The following ITPR2 variants were observed in gnomAD, a reference collection of about 807,000 sequenced individuals.
The protein encoded by ITPR2 is inositol 1,4,5-trisphosphate receptor type 2.
ITPR2 carries 207 observed loss-of-function variants against 317.1 expected under a neutral mutation model. The observed-to-expected ratio is 0.65, with a 90% CI of 0.58 to 0.73. ITPR2 has a LOEUF of 0.73. Among genes scored for constraint, ITPR2 ranks in the 30% least tolerant of loss-of-function variants. ITPR2 has a pLI of 0.00. For missense variants in ITPR2, 2,613 were observed against 3,284.0 expected, an observed-to-expected ratio of 0.80 and a Z score of 4.99; for synonymous variants, 1,156 against 1,149.1, an observed-to-expected ratio of 1.01 and a Z score of -0.12.
intron 41 of ITPR2, among the ~76,000 whole-genome samples, chr12:26,484,843 C>A (rs1029705281): frequency 6.6e-6 from 1 of 152,076 alleles, no homozygotes; most frequent in African/African-American, 2.4e-5. Flanking sequence ...TCCGGAGTAG[C>A]TGGGACTACA....
At chr12:26,378,040 C>A (rs1939395833) in intron 55 of ITPR2, among the ~76,000 whole-genome samples, 1 of 151,822 alleles carries the variant, frequency 6.6e-6, no homozygotes, top group African/African-American at 2.4e-5. Flanking sequence ...TTATTTTGTT[C>A]AACGAATTTA....
At chr12:26,421,578 A>G (rs572485074) in intron 49 of ITPR2, 1 of 152,354 alleles carries the variant, frequency 6.6e-6, no homozygotes, top group South Asian at 2.1e-4. Flanking sequence ...GCCAAGAATG[A>G]GCAAGTTGCT....
intron 37 of ITPR2, among the ~76,000 whole-genome samples, chr12:26,531,171 G>C (rs1361704721): frequency 6.6e-6 from 1 of 152,180 alleles, no homozygotes; most frequent in Non-Finnish European, 1.5e-5. Flanking sequence ...TATTCATTGG[G>C]CTTTCCTAAT....
intron 26 of ITPR2, among the ~76,000 whole-genome samples, chr12:26,608,787 A>T (rs916165554): frequency 1.4e-4 from 11 of 80,514 alleles, no homozygotes; most frequent in Non-Finnish European, 2.5e-4. Flanking sequence ...CTTTTAAATT[A>T]AAAAAAAAAA....
intron 2 of ITPR2, among the ~76,000 whole-genome samples, chr12:26,782,013 TATATATATATATATATATATGTATAGAG>T (rs1194216863): frequency 0.13 from 6,817 of 53,080 alleles, 362 homozygotes; most frequent in Non-Finnish European, 0.18. Flanking sequence ...TATATATATA[TATATATATATATATATATATGTATAGAG>T]AGAGAGAGAG....
rs545299249 is a variant in ITPR2, at chr12:26,374,377, C to T, written c.7857+13057G>A. ...GCCATGGCTGTCTTTATCTCCTCTG[C>T]GTCCCTTTCCAGATGTGGGCGCAGC... On this transcript the variant is annotated intron_variant, in intron 55 of 56. Transcript: ENST00000381340. Among the ~76,000 whole-genome samples the T allele has an allele frequency of 1.6e-3, 238 of 152,348 alleles. 1 individual carries two copies. The highest frequency in any genetic ancestry group is 0.015 in the Admixed American group (224 of 15,310).
intron 19 of ITPR2, among the ~76,000 whole-genome samples, chr12:26,656,083 A>G (rs1280963016): frequency 5.9e-5 from 9 of 152,318 alleles, no homozygotes; most frequent in African/African-American, 2.2e-4. Flanking sequence ...CATTACATCA[A>G]TATTATTTAC....
intron 38 of ITPR2, 105 bp downstream of exon 38, chr12:26,495,047 A>T (rs1472925951): frequency 5.5e-5 from 39 of 704,410 alleles, no homozygotes; most frequent in Non-Finnish European, 9.6e-5. Context: ...TGATTTTTAA[A>T]TGACTCTTTT....
rs1947413172 is a variant in ITPR2 at position 26,658,020 on chromosome 12, A to C, written c.1997T>G (p.Ile666Ser). 1.2e-6 allele frequency: 2 copies of C among 1,610,872 alleles called. No homozygotes were observed. Among genetic ancestry groups the C allele is most frequent in the South Asian group, 2.2e-5 (2 of 89,832 alleles). ...CATTATCTGGGCTTACTTAGTTTGAATGAGAATGTCTGCATTGCCTGGACT... is the reference window on the plus strand; with the variant it reads ...CATTATCTGGGCTTACTTAGTTTGACTGAGAATGTCTGCATTGCCTGGACT... ...MLSPGNADIL[I>S]QTKVVSMQAD... The change falls in exon 17 of 57, where the codon ATT becomes AGT. Residue 666 changes from isoleucine (I) to serine (S), a missense_variant. This residue lies in a region of ITPR2 where 817 missense variants were observed against 897.6 expected (regional missense o/e 0.91). Coordinates refer to ENST00000381340, the MANE Select transcript of ITPR2 (RefSeq NM_002223.4).
At chr12:26,345,909 C>CT (rs1186706424) in intron 55 of ITPR2, among the ~76,000 whole-genome samples, 1 of 152,186 alleles carries the variant, frequency 6.6e-6, no homozygotes, top group Non-Finnish European at 1.5e-5. Context: ...TCTTGGTTTA[C>CT]TCATGCATGC....
chr12:26,605,574 G>T (rs575983764), intron 26 of ITPR2, among the ~76,000 whole-genome samples: 1 of 152,248 alleles, frequency 6.6e-6, no homozygotes, highest in South Asian at 2.1e-4. Flanking sequence ...AGCTTTGGTC[G>T]ATATCTTTAA....
At chr12:26,622,491 G>A in intron 24 of ITPR2, 86 bp from the exon 25 acceptor site, 3 of 1,046,532 alleles carry the variant, frequency 2.9e-6, no homozygotes, top group South Asian at 2.2e-5. Flanking sequence ...TATTCTCAGA[G>A]GTATATCATT....
chr12:26,815,122 T>G (rs1226950933), intron 1 of ITPR2, among the ~76,000 whole-genome samples: 1 of 152,182 alleles, frequency 6.6e-6, no homozygotes. Context: ...GTGAATCAGT[T>G]GAGGTCAGGA....
In ITPR2 at chr12:26,648,025, C is replaced by G. The variant is rs563857941; in HGVS notation, c.2740+5951G>C. Among the ~76,000 whole-genome samples the G allele has an allele frequency of 3.9e-5, 6 of 152,264 alleles. No individual in the cohort carries two copies. The East Asian group carries it at 1.2e-3, about 29-fold the overall frequency. On this transcript the variant is annotated intron_variant, in intron 21 of 56. Coordinates refer to ENST00000381340, the MANE Select transcript of ITPR2 (RefSeq NM_002223.4). The stretch of plus-strand genomic sequence containing the variant: ...TGGAAGCTAGACGCAGACCCCCAAC[C>G]AGATCTAGGATGAGGACAACTTACA...
chr12:26,400,250 C>T lies in ITPR2; in HGVS notation c.7408G>A (p.Glu2470Lys). Residue 2470 changes from glutamate to lysine, a missense_variant, in exon 53 of 57, where the codon GAG becomes AAG. Around this residue, in one of 9 missense-constraint regions of ITPR2, gnomAD observed 113 missense variants for 129.2 expected, o/e 0.87. Coordinates refer to ENST00000381340, the MANE Select transcript of ITPR2 (RefSeq NM_002223.4). ...GTCCTTTCAATTCCATCTTCATACTCTTCATCAGCTATAAAAACACATACA... is the reference window on the plus strand; with the variant it reads ...GTCCTTTCAATTCCATCTTCATACTTTTCATCAGCTATAAAAACACATACA... ...TIPASNTADE[E>K]YEDGIERTCD... The T allele has an allele frequency of 6.5e-7, 1 of 1,544,016 alleles. No individual in the cohort carries two copies. Among genetic ancestry groups the T allele is most frequent in the South Asian group, 1.3e-5 (1 of 76,078 alleles).
At chr12:26,436,369 G>A in intron 47 of ITPR2, 23 bp from the exon 48 acceptor site, 1 of 1,592,920 alleles carries the variant, frequency 6.3e-7, no homozygotes, top group Non-Finnish European at 8.5e-7. Flanking sequence ...AAATGTAAAG[G>A]AACTGAACAG....
intron 49 of ITPR2, 100 bp downstream of exon 49, chr12:26,427,813 C>T: frequency 1.5e-6 from 1 of 674,162 alleles, no homozygotes; most frequent in African/African-American, 1.9e-5. Flanking sequence ...AATTAGAATT[C>T]ACCATGCATA....
intron 35 of ITPR2, among the ~76,000 whole-genome samples, chr12:26,561,515 G>A (rs1392387066): frequency 1.3e-5 from 2 of 151,964 alleles, no homozygotes; most frequent in African/African-American, 2.4e-5. Flanking sequence ...TCATTATTTT[G>A]ATATTAAGAC....
intron 2 of ITPR2, among the ~76,000 whole-genome samples, chr12:26,781,129 C>T (rs997751295): frequency 6.6e-6 from 1 of 152,196 alleles, no homozygotes; most frequent in Non-Finnish European, 1.5e-5. Flanking sequence ...AGCCCAATCC[C>T]GGCAGGACTA....
Sources: gnomAD v4.1 joint callset for allele counts (sites outside exome capture counted in the v4.1 genomes callset) on GRCh38, gnomAD v4.1.1 for gene constraint, gnomAD v4.1.1 regional missense constraint, MANE v1.5 for transcripts, NCBI Gene and HGNC (gene_info 2026-07-23, HGNC 2026-07-21) for gene names.